Variants in ETV6 observed in about 807,000 individuals in gnomAD.
ETV6 encodes the protein transcription factor ETV6.
ETV6 carries 16 observed loss-of-function variants against 51.1 expected under a neutral mutation model. The observed-to-expected ratio is 0.31, with a 90% CI of 0.21 to 0.48. The LOEUF is 0.48. Ranked by LOEUF, ETV6 falls within the 20% of genes least tolerant of loss-of-function variation. ETV6 has a pLI of 0.99. For synonymous variants in ETV6, 240 were observed against 224.1 expected, an observed-to-expected ratio of 1.07 and a Z score of -0.64; for missense variants, 458 against 594.8, an observed-to-expected ratio of 0.77 and a Z score of 2.39.
intron 2 of ETV6, among the ~76,000 whole-genome samples, chr12:11,778,144 C>T (rs554560181): frequency 6.6e-6 from 1 of 152,198 alleles, no homozygotes; most frequent in African/African-American, 2.4e-5. Flanking sequence ...GTCTCAGGGT[C>T]GCAGTTTCCT....
chr12:11,762,649 C>T (rs1035396253), intron 2 of ETV6, among the ~76,000 whole-genome samples: 1 of 152,202 alleles, frequency 6.6e-6, no homozygotes, highest in African/African-American at 2.4e-5. Context: ...ACATTTCCAT[C>T]CGCCTCAGCC....
intron 1 of ETV6, among the ~76,000 whole-genome samples, chr12:11,689,877 G>A (rs1034332090): frequency 7.4e-6 from 1 of 135,886 alleles, no homozygotes; most frequent in African/African-American, 2.8e-5. Context: ...CAGGGCATAC[G>A]GTCCAGACCC....
chr12:11,812,507 A>G lies in ETV6; in HGVS notation c.164-26633A>G, dbSNP rs375143700. 3.8e-3 allele frequency among the ~76,000 whole-genome samples: 573 copies of G among 151,986 alleles called. 4 individuals carry two copies. The highest frequency in any genetic ancestry group is 0.013 in the African/African-American group (531 of 41,432). On this transcript the variant is annotated intron_variant, in intron 2 of 7. Coordinates refer to ENST00000396373, the MANE Select transcript of ETV6 (RefSeq NM_001987.5). The stretch of plus-strand genomic sequence containing the variant: ...TATATTTAGTGCTTTCCTTCCTCTC[A>G]CTCCGACACTTTTGGGAGAGCCCTG...
intron 1 of ETV6, among the ~76,000 whole-genome samples, chr12:11,651,662 A>G (rs1019712262): frequency 6.6e-6 from 1 of 152,196 alleles, no homozygotes; most frequent in Non-Finnish European, 1.5e-5. Flanking sequence ...TATAAATTAG[A>G]TTCTACACAG....
At chr12:11,738,447 C>T (rs1206245556) in intron 1 of ETV6, among the ~76,000 whole-genome samples, 1 of 151,716 alleles carries the variant, frequency 6.6e-6, no homozygotes, top group Non-Finnish European at 1.5e-5. Flanking sequence ...TCCCAAGTAG[C>T]TGGAATGTAC....
chr12:11,670,705 A>G (rs1184990019), intron 1 of ETV6, among the ~76,000 whole-genome samples: 1 of 152,214 alleles, frequency 6.6e-6, no homozygotes, highest in South Asian at 2.1e-4. Flanking sequence ...TTGTAGGATC[A>G]GTTTTAAGAC....
chr12:11,864,975 G>T (rs1014731520), intron 4 of ETV6, among the ~76,000 whole-genome samples: 1 of 152,150 alleles, frequency 6.6e-6, no homozygotes, highest in African/African-American at 2.4e-5. Flanking sequence ...CAACAGGCTG[G>T]GCGCGGTGGC....
intron 1 of ETV6, among the ~76,000 whole-genome samples, chr12:11,719,594 G>A (rs1174498349): frequency 6.6e-6 from 1 of 152,250 alleles, no homozygotes; most frequent in Non-Finnish European, 1.5e-5. Context: ...GAATAAAGAT[G>A]CATTTATCTC....
At chr12:11,717,807 AGT>A (rs1362065852) in intron 1 of ETV6, among the ~76,000 whole-genome samples, 3 of 152,160 alleles carry the variant, frequency 2.0e-5, no homozygotes, top group Non-Finnish European at 4.4e-5. Context: ...CTACACTGTG[AGT>A]GTCCCCTGAT....
At position 11,688,739 on chromosome 12, in the gene ETV6, G is replaced by C. The variant is rs578047388; in HGVS notation, c.33+38579G>C. 3.4e-4 allele frequency among the ~76,000 whole-genome samples: 52 copies of C among 152,330 alleles called. 2 individuals carry two copies. The South Asian group carries it at 8.9e-3, about 26-fold the overall frequency. ...TGGTAGCGTGTGGAGACCCTACTAAGATAACCATAGCCTTAGCTGCTCCTT... is the reference window on the plus strand; with the variant it reads ...TGGTAGCGTGTGGAGACCCTACTAACATAACCATAGCCTTAGCTGCTCCTT... On this transcript the variant is annotated intron_variant, in intron 1 of 7. Coordinates refer to ENST00000396373, the MANE Select transcript of ETV6 (RefSeq NM_001987.5).
chr12:11,889,512 A>T (rs145100209), intron 7 of ETV6, among the ~76,000 whole-genome samples: 12 of 152,334 alleles, frequency 7.9e-5, no homozygotes, highest in African/African-American at 2.9e-4. Flanking sequence ...TGGAGGTTTA[A>T]GTGTTGAAAT....
chr12:11,673,703 C>T (rs1864363096), intron 1 of ETV6, among the ~76,000 whole-genome samples: 1 of 152,168 alleles, frequency 6.6e-6, no homozygotes, highest in African/African-American at 2.4e-5. Context: ...TGTAAGAGAG[C>T]TTGTCTCATT....
At chr12:11,724,204 C>T (rs1265617815) in intron 1 of ETV6, among the ~76,000 whole-genome samples, 2 of 152,216 alleles carry the variant, frequency 1.3e-5, no homozygotes, top group African/African-American at 4.8e-5. Flanking sequence ...TTCCCCTTGA[C>T]AGGTCCTGAT....
At chr12:11,663,268 C>T (rs1265635282) in intron 1 of ETV6, among the ~76,000 whole-genome samples, 3 of 152,200 alleles carry the variant, frequency 2.0e-5, no homozygotes, top group Non-Finnish European at 4.4e-5. Flanking sequence ...AGCTTAAGCA[C>T]CAACACTGGA....
chr12:11,830,388 T>G (rs1172373049), intron 2 of ETV6, among the ~76,000 whole-genome samples: 2 of 152,232 alleles, frequency 1.3e-5, no homozygotes, highest in Non-Finnish European at 2.9e-5. Flanking sequence ...GGAGTTTTGG[T>G]CTTAGGTTCA....
chr12:11,658,204 C>T (rs1233267269), intron 1 of ETV6, among the ~76,000 whole-genome samples: 1 of 152,160 alleles, frequency 6.6e-6, no homozygotes, highest in African/African-American at 2.4e-5. Context: ...CCACATTATA[C>T]AGTTGAGAAT....
At chr12:11,871,411 T>C (rs1052519518) in intron 5 of ETV6, among the ~76,000 whole-genome samples, 2 of 152,086 alleles carry the variant, frequency 1.3e-5, no homozygotes, top group Non-Finnish European at 2.9e-5. Flanking sequence ...AGGATGGTCT[T>C]GATCTCCTGA....
chr12:11,667,826 C>T lies in ETV6; in HGVS notation c.33+17666C>T, dbSNP rs1174075752. On this transcript the variant is annotated intron_variant, in intron 1 of 7. Transcript: ENST00000396373. ...CAAGCAGTTCCTTGCCTCGGCCTCC[C>T]GTGTAGCTGGGATTACAGGTGCACG... Among the ~76,000 whole-genome samples, 6 of 151,674 alleles carry T rather than the reference C, an allele frequency of 4.0e-5. 1 individual carries two copies. The highest frequency in any genetic ancestry group is 1.9e-4 in the East Asian group (1 of 5,158).
chr12:11,819,709 T>C (rs2048633754), intron 2 of ETV6, among the ~76,000 whole-genome samples: 1 of 152,202 alleles, frequency 6.6e-6, no homozygotes, highest in Non-Finnish European at 1.5e-5. Flanking sequence ...TCTCTTAAGT[T>C]CCATCAATTC....
Sources: allele counts gnomAD v4.1 joint callset (sites outside exome capture counted in the v4.1 genomes callset), GRCh38; gene constraint gnomAD v4.1.1; transcripts MANE v1.5; gene names NCBI Gene and HGNC (gene_info 2026-07-23, HGNC 2026-07-21).